Variants in CFAP100 observed in about 807,000 individuals in gnomAD.
CFAP100 encodes the protein cilia- and flagella-associated protein 100.
Under a neutral mutation model 81.5 loss-of-function variants are expected in CFAP100, and 70 were observed. The ratio of observed to expected loss-of-function variants is 0.86; its 90% CI spans 0.71 to 1.05. The LOEUF (loss-of-function observed/expected upper bound fraction) is 1.05. Among genes scored for constraint, CFAP100 ranks in the 50% least tolerant of loss-of-function variants. The pLI, the probability that CFAP100 is intolerant of heterozygous loss-of-function variation, is 0.00. For missense variants in CFAP100, 811 were observed against 776.5 expected, an observed-to-expected ratio of 1.04 and a Z score of -0.53; for synonymous variants, 341 against 314.8, an observed-to-expected ratio of 1.08 and a Z score of -0.88.
chr3:126,423,567 G>A lies in CFAP100; in HGVS notation c.1209G>A (p.Ser403=), dbSNP rs142058509. 186 of 1,613,898 alleles carry A rather than the reference G, an allele frequency of 1.2e-4. 1 individual carries two copies. The highest frequency in any genetic ancestry group is 4.0e-4 in the Admixed American group (24 of 60,014). The change falls in exon 13 of 17, where the codon TCG becomes TCA. Residue 403 remains serine (S), a synonymous_variant. Coordinates refer to ENST00000352312, the MANE Select transcript of CFAP100 (RefSeq NM_182628.3). ...VFRELEEQNL[S]LIQNSQETEK... is the part of the protein sequence containing the mutation. ...GAGAGCTGGAGGAGCAGAACCTGTCGCTGATCCAGAACAGCCAGGAGACGG... is the reference window on the plus strand; with the variant it reads ...GAGAGCTGGAGGAGCAGAACCTGTCACTGATCCAGAACAGCCAGGAGACGG...
intron 2 of CFAP100, among the ~76,000 whole-genome samples, chr3:126,399,314 C>G (rs550468946): frequency 1.8e-4 from 28 of 152,320 alleles, no homozygotes; most frequent in African/African-American, 6.7e-4. Context: ...AGCCTGCAAG[C>G]TCTCCCTCTA....
At chr3:126,401,397 T>TA (rs2082977111) in intron 2 of CFAP100, among the ~76,000 whole-genome samples, 1 of 76,214 alleles carries the variant, frequency 1.3e-5, no homozygotes, top group Admixed American at 1.3e-4. Flanking sequence ...AAATCGTATT[T>TA]TATATATATA....
chr3:126,423,380 A>T lies in CFAP100; in HGVS notation c.1134+4A>T. 6.2e-7 allele frequency: 1 copy of T among 1,613,374 alleles called. No individual in the cohort carries two copies. The highest frequency in any genetic ancestry group is 8.5e-7 in the Non-Finnish European group (1 of 1,179,700). Reference sequence around the variant, plus strand: ...GGACACCGACAGCGATGGGGAGGTGAATGGCCCAGTGCTGGGCTGGAATTC... The same window carrying T: ...GGACACCGACAGCGATGGGGAGGTGTATGGCCCAGTGCTGGGCTGGAATTC... On this transcript the variant is annotated splice_donor_region_variant and intron_variant, in intron 12 of 16. Transcript: ENST00000352312.
chr3:126,397,787 G>T (rs2082911588), intron 2 of CFAP100, among the ~76,000 whole-genome samples: 2 of 152,240 alleles, frequency 1.3e-5, no homozygotes, highest in Admixed American at 6.5e-5. Context: ...TGCAGGAGCT[G>T]GGACAAAGGT....
chr3:126,408,721 T>TG (rs2083108535), intron 3 of CFAP100, among the ~76,000 whole-genome samples: 1 of 152,186 alleles, frequency 6.6e-6, no homozygotes. Flanking sequence ...GAGAAAGTCC[T>TG]GGGGGCGAGC....
intron 13 of CFAP100, among the ~76,000 whole-genome samples, chr3:126,427,213 C>T (rs1214748483): frequency 2.0e-5 from 3 of 152,072 alleles, no homozygotes; most frequent in South Asian, 4.1e-4. Flanking sequence ...TGAAGATGAA[C>T]AAGAAAACTG....
rs2083302885 is a variant in CFAP100 at position 126,419,973 on chromosome 3, C to A, written c.914-7C>A. 1.9e-5 allele frequency: 30 copies of A among 1,612,904 alleles called. No individual in the cohort carries two copies. The highest frequency in any genetic ancestry group is 2.5e-5 in the Non-Finnish European group (29 of 1,179,944). On this transcript the variant is annotated splice_polypyrimidine_tract_variant and splice_region_variant and intron_variant, in intron 9 of 16. Transcript: ENST00000352312. ...GGCCATCGGGGCCCCCCCTTTGCTT[C>A]CTGCAGGACCAGGGATCAAGGGCAA...
At chr3:126,408,064 AT>A (rs1184342778) in intron 3 of CFAP100, among the ~76,000 whole-genome samples, 11 of 152,068 alleles carry the variant, frequency 7.2e-5, no homozygotes, top group Non-Finnish European at 1.6e-4. Flanking sequence ...TTTTATTATT[AT>A]GAAATTATAA....
In CFAP100 at chr3:126,395,654, A is replaced by G. The variant is rs575166248; in HGVS notation, c.-59-288A>G. On this transcript the variant is annotated intron_variant, in intron 1 of 16. Transcript: ENST00000352312. ...GACATTTGAGCTCGGAATTGAAGAG[A>G]AGGAAGCCCAGCACCCCCAGCTGGG... 3.3e-5 allele frequency among the ~76,000 whole-genome samples: 5 copies of G among 152,226 alleles called. No homozygotes were observed. The South Asian group carries it at 1.0e-3, about 32-fold the overall frequency.
At chr3:126,398,750 G>C (rs2082927551) in intron 2 of CFAP100, among the ~76,000 whole-genome samples, 1 of 152,188 alleles carries the variant, frequency 6.6e-6, no homozygotes, top group Admixed American at 6.5e-5. Context: ...GGCAGAGTGG[G>C]CCATCCACAC....
intron 11 of CFAP100, 28 bp from the exon 12 acceptor site, chr3:126,423,297 G>C: frequency 6.2e-7 from 1 of 1,601,452 alleles, no homozygotes. Context: ...GCTGGTCCCA[G>C]AGTCCCGACC....
At chr3:126,424,067 C>T (rs1301152998) in intron 13 of CFAP100, among the ~76,000 whole-genome samples, 1 of 152,272 alleles carries the variant, frequency 6.6e-6, no homozygotes, top group African/African-American at 2.4e-5. Context: ...GAAGCTGCTG[C>T]TGCTTCATAT....
intron 2 of CFAP100, among the ~76,000 whole-genome samples, chr3:126,401,598 G>C (rs1237150925): frequency 6.6e-6 from 1 of 151,496 alleles, no homozygotes; most frequent in Non-Finnish European, 1.5e-5. Flanking sequence ...GATCAGGAAG[G>C]CTTCCTGGAG....
At chr3:126,435,331 C>T (rs1272423297) in intron 15 of CFAP100, among the ~76,000 whole-genome samples, 5 of 152,142 alleles carry the variant, frequency 3.3e-5, no homozygotes, top group African/African-American at 1.2e-4. Context: ...GCCAGGGCCT[C>T]GGAGCAGCAG....
chr3:126,418,704 G>A lies in CFAP100; in HGVS notation c.580G>A (p.Glu194Lys), dbSNP rs139162708. Reference sequence around the variant, plus strand: ...GCTGGAGCGGGCCGAGAAATCCCTGGAGAAGGACGCCGCCTTGTTCGACGA... The same window carrying A: ...GCTGGAGCGGGCCGAGAAATCCCTGAAGAAGGACGCCGCCTTGTTCGACGA... ...ARLERAEKSLEKDAALFDEFV... is the reference protein window; with the variant it reads ...ARLERAEKSLKKDAALFDEFV... Residue 194 changes from glutamate to lysine, a missense_variant, in exon 7 of 17, where the codon GAG becomes AAG. Physicochemically the swap from Glu to Lys is moderately conservative, Grantham distance 56. Coordinates refer to ENST00000352312, the MANE Select transcript of CFAP100 (RefSeq NM_182628.3). The A allele has an allele frequency of 3.7e-3, 5,822 of 1,589,274 alleles. 19 individuals carry two copies. The highest frequency in any genetic ancestry group is 4.7e-3 in the Non-Finnish European group (5,498 of 1,168,706).
rs1046721354 is a variant in CFAP100, at chr3:126,425,997, G to T, written c.1286+2353G>T. On this transcript the variant is annotated intron_variant, in intron 13 of 16. Transcript: ENST00000352312. ...AACTAGAAGCTTTCTCATGAGATCA[G>T]AAATAAGGCAAAGAGGTCTTCTCTC... 2.0e-5 allele frequency among the ~76,000 whole-genome samples: 3 copies of T among 152,268 alleles called. No homozygotes were observed. The East Asian group carries it at 5.8e-4, about 29-fold the overall frequency.
chr3:126,395,309 T>TGGG (rs1457220967), intron 1 of CFAP100: 1 of 152,038 alleles, frequency 6.6e-6, no homozygotes, highest in Non-Finnish European at 1.5e-5. Flanking sequence ...AAGCTTAGAG[T>TGGG]GGGGGCCCTT....
In CFAP100 at chr3:126,434,263, G is replaced by T. The variant is rs778286422; in HGVS notation, c.1510G>T (p.Val504Leu). Reference protein sequence around the residue: ...GTQQEANLGTVQMLTIIEHQL... With the variant: ...GTQQEANLGTLQMLTIIEHQL... ...CCAGCAGGAGGCCAACCTGGGCACC[G>T]TGCAGATGCTGACCATCATTGAGCA... Residue 504 changes from valine to leucine, a missense_variant, in exon 15 of 17, where the codon GTG becomes TTG. Physicochemically the swap from Val to Leu is conservative, Grantham distance 32. Transcript: ENST00000352312. The T allele has an allele frequency of 1.2e-6, 2 of 1,613,906 alleles. No homozygotes were observed. The highest frequency in any genetic ancestry group is 2.7e-5 in the African/African-American group (2 of 74,942).
At chr3:126,400,620 C>CG (rs1035093697) in intron 2 of CFAP100, among the ~76,000 whole-genome samples, 2 of 152,066 alleles carry the variant, frequency 1.3e-5, no homozygotes, top group Non-Finnish European at 2.9e-5. Flanking sequence ...GGCATGGTGG[C>CG]GGGCACCTGT....
Sources: gnomAD v4.1 joint callset for allele counts (sites outside exome capture counted in the v4.1 genomes callset) on GRCh38, gnomAD v4.1.1 for gene constraint, MANE v1.5 for transcripts, NCBI Gene and HGNC (gene_info 2026-07-23, HGNC 2026-07-21) for gene names.